ERG: variants seen among roughly 807,000 people sequenced by gnomAD.
ERG encodes ETS transcription factor ERG.
A neutral mutation model predicts 55.3 loss-of-function variants in ERG; 9 were observed. That is an observed-to-expected ratio of 0.16 (90% CI 0.10 to 0.28). The LOEUF is 0.28. ERG is among the 10% of genes least tolerant of loss of function. The pLI, the probability that ERG is intolerant of heterozygous loss-of-function variation, is 1.00. For synonymous variants in ERG, 223 were observed against 237.3 expected, an observed-to-expected ratio of 0.94 and a Z score of 0.55; for missense variants, 434 against 631.6, an observed-to-expected ratio of 0.69 and a Z score of 3.35.
At chr21:38,501,046 T>A (rs1880184389), upstream of ERG, among the ~76,000 whole-genome samples, 1 of 148,826 alleles carries the variant, frequency 6.7e-6, no homozygotes, top group South Asian at 2.1e-4. Flanking sequence ...TGGCTCTTGA[T>A]AGGACAAGGC....
At chr21:38,614,326 G>A (rs1203958838) in intron 1 of ERG, among the ~76,000 whole-genome samples, 1 of 152,072 alleles carries the variant, frequency 6.6e-6, no homozygotes, top group Non-Finnish European at 1.5e-5. Context: ...TGTTGTTCAG[G>A]GCCACAATAT....
intron 3 of ERG, among the ~76,000 whole-genome samples, chr21:38,405,923 C>A (rs1190333720): frequency 2.6e-5 from 4 of 152,112 alleles, no homozygotes; most frequent in East Asian, 1.9e-4. Flanking sequence ...GAGGCCGAGG[C>A]GGGTGGATCA....
intron 2 of ERG, among the ~76,000 whole-genome samples, chr21:38,508,984 T>C (rs2059490717): frequency 6.6e-6 from 1 of 152,084 alleles, no homozygotes; most frequent in East Asian, 1.9e-4. Flanking sequence ...GGTGTTCCAG[T>C]CATCAGTCCC....
intron 1 of ERG, among the ~76,000 whole-genome samples, chr21:38,622,486 C>T (rs1052707270): frequency 6.6e-6 from 1 of 150,544 alleles, no homozygotes. Context: ...GCCACACACA[C>T]ATGCTCATAC....
chr21:38,652,950 C>A (rs958706122), intron 1 of ERG, among the ~76,000 whole-genome samples: 1 of 152,210 alleles, frequency 6.6e-6, no homozygotes, highest in Non-Finnish European at 1.5e-5. Context: ...AAGCATTCAC[C>A]CCTTTTCTAG....
intron 1 of ERG, among the ~76,000 whole-genome samples, chr21:38,656,660 C>G (rs2060520961): frequency 6.6e-6 from 1 of 152,180 alleles, no homozygotes; most frequent in Admixed American, 6.5e-5. Context: ...CTACCAATAA[C>G]AGAGAATCAC....
At chr21:38,367,401 T>C in the ERG span, among the ~76,000 whole-genome samples, 1 of 152,176 alleles carries the variant, frequency 6.6e-6, no homozygotes, top group Non-Finnish European at 1.5e-5. Context: ...AGTTAAGATG[T>C]TGACCAAGAC....
At chr21:38,634,326 G>A (rs1035939257) in intron 1 of ERG, among the ~76,000 whole-genome samples, 11 of 152,284 alleles carry the variant, frequency 7.2e-5, no homozygotes, top group African/African-American at 2.4e-4. Flanking sequence ...AAGTAGATAC[G>A]ATGATGGAGG....
In ERG at chr21:38,381,443, T is replaced by C; in HGVS notation, c.*1960A>G. 1 of 1,063,138 alleles carries C rather than the reference T, an allele frequency of 9.4e-7. No individual in the cohort carries two copies. Among genetic ancestry groups the C allele is most frequent in the Non-Finnish European group, 1.1e-6 (1 of 877,922 alleles). 65.9% of individuals were successfully genotyped at this position (1,063,138 alleles called of 1,614,324 possible). A position where few individuals can be genotyped will look rare whatever the true frequency, so the allele number is the denominator to read the frequency against. ...CAAGGGATAGCCAGCAACATCAGGC[T>C]CAGGGCTAGTGAATCCCAAGCCACA... On this transcript the variant is annotated 3_prime_UTR_variant, in exon 10 of 10. Transcript: ENST00000288319.
At chr21:38,390,244 T>A (rs1478721874) in intron 9 of ERG, among the ~76,000 whole-genome samples, 1 of 152,246 alleles carries the variant, frequency 6.6e-6, no homozygotes, top group Non-Finnish European at 1.5e-5. Context: ...TAATTAAGAA[T>A]CTGCACTTTC....
At chr21:38,540,787 G>T (rs1319414428) in intron 2 of ERG, among the ~76,000 whole-genome samples, 1 of 152,146 alleles carries the variant, frequency 6.6e-6, no homozygotes, top group Non-Finnish European at 1.5e-5. Flanking sequence ...TAAAGTATGT[G>T]CCACCTGTCA....
chr21:38,599,636 C>T (rs2060152614), intron 1 of ERG, among the ~76,000 whole-genome samples: 1 of 152,220 alleles, frequency 6.6e-6, no homozygotes, highest in African/African-American at 2.4e-5. Flanking sequence ...GTTTCCGATG[C>T]TAACACCAGC....
chr21:38,555,686 C>A (rs186549023), intron 2 of ERG, among the ~76,000 whole-genome samples: 1 of 152,146 alleles, frequency 6.6e-6, no homozygotes, highest in Admixed American at 6.5e-5. Context: ...GGACTAAGGA[C>A]ATGAAAAAGT....
At chr21:38,502,875 C>A (rs1472440769), upstream of ERG, among the ~76,000 whole-genome samples, 1 of 32,296 alleles carries the variant, frequency 3.1e-5, no homozygotes, top group African/African-American at 2.3e-4. Context: ...TACAGGTGCC[C>A]GCCACCACCC....
chr21:38,586,941 T>C (rs73217906), upstream of ERG, among the ~76,000 whole-genome samples: 10,521 of 152,254 alleles, frequency 0.069, 431 homozygotes, highest in Middle Eastern at 0.11. Flanking sequence ...ACATACACAA[T>C]GGAACACTAT....
At chr21:38,404,388 C>A (rs1443145893) in intron 3 of ERG, among the ~76,000 whole-genome samples, 2 of 152,114 alleles carry the variant, frequency 1.3e-5, no homozygotes, top group Non-Finnish European at 2.9e-5. Flanking sequence ...CCACAGCTGG[C>A]CATGGCGAGC....
intron 1 of ERG, among the ~76,000 whole-genome samples, chr21:38,622,737 ACAC>A (rs2060299605): frequency 6.9e-6 from 1 of 145,282 alleles, no homozygotes. Context: ...CACACCACAC[ACAC>A]CACATGCTCA....
intron 1 of ERG, among the ~76,000 whole-genome samples, chr21:38,590,805 T>TGA (rs1360649428): frequency 1.3e-5 from 2 of 152,192 alleles, no homozygotes; most frequent in Non-Finnish European, 2.9e-5. Context: ...CAGAGCCTAG[T>TGA]GAGAGAGACA....
At chr21:38,619,197 C>T (rs563996804) in intron 1 of ERG, among the ~76,000 whole-genome samples, 2 of 152,358 alleles carry the variant, frequency 1.3e-5, no homozygotes, top group African/African-American at 4.8e-5. Context: ...GCTGAATGTA[C>T]TTCAGAGCTT....
Sources: allele counts gnomAD v4.1 joint callset (sites outside exome capture counted in the v4.1 genomes callset), GRCh38; gene constraint gnomAD v4.1.1; transcripts MANE v1.5; gene names NCBI Gene and HGNC (gene_info 2026-07-23, HGNC 2026-07-21).